DNER: variants seen among roughly 807,000 people sequenced by gnomAD.
DNER encodes delta/notch like EGF repeat containing, also known as delta and Notch-like epidermal growth factor-related receptor.
In DNER, 33 loss-of-function variants were observed where a neutral mutation model predicts 78.2. The observed-to-expected ratio is 0.42, with a 90% CI of 0.32 to 0.56. DNER has a LOEUF of 0.56. DNER is among the 20% of genes least tolerant of loss of function. DNER has a pLI of 0.11. For missense variants in DNER, 918 were observed against 975.3 expected (o/e 0.94, Z 0.78); for synonymous variants, 417 against 384.8 (o/e 1.08, Z -0.98).
chr2:229,370,198 C>G lies in DNER; in HGVS notation c.1856-3079G>C, dbSNP rs1692449802. On this transcript the variant is annotated intron_variant, in intron 11 of 12. Coordinates refer to ENST00000341772, the MANE Select transcript of DNER (RefSeq NM_139072.4). ...TCTGAAGAAGAGCACAGATAGACAC[C>G]CAAACAGGGGGCCAGGCCTGCAGAC... is the stretch of plus-strand genomic sequence containing the variant. Among the ~76,000 whole-genome samples, 3 of 152,112 alleles carry G rather than the reference C, an allele frequency of 2.0e-5. No individual in the cohort carries two copies. The East Asian group carries it at 5.8e-4, about 29-fold the overall frequency.
intron 8 of DNER, among the ~76,000 whole-genome samples, chr2:229,438,996 T>C (rs1694181923): frequency 6.6e-6 from 1 of 152,196 alleles, no homozygotes; most frequent in Non-Finnish European, 1.5e-5. Flanking sequence ...AAGTCCCAGC[T>C]TCATCCTTAA....
intron 5 of DNER, among the ~76,000 whole-genome samples, chr2:229,514,284 C>G (rs1574879244): frequency 6.6e-6 from 1 of 152,084 alleles, no homozygotes; most frequent in Non-Finnish European, 1.5e-5. Context: ...TAGTTGATTT[C>G]CAGGCTTTCT....
intron 4 of DNER, among the ~76,000 whole-genome samples, chr2:229,569,262 C>G (rs977953327): frequency 6.6e-6 from 1 of 152,208 alleles, no homozygotes; most frequent in Non-Finnish European, 1.5e-5. Flanking sequence ...GTTGCTCAAG[C>G]CTGTAATCCC....
intron 5 of DNER, among the ~76,000 whole-genome samples, chr2:229,514,816 AAACC>A (rs1455713848): frequency 6.6e-6 from 1 of 152,196 alleles, no homozygotes; most frequent in African/African-American, 2.4e-5. Context: ...GATCCCTCAC[AAACC>A]AACCAAGAGG....
chr2:229,425,815 C>T (rs1434368339), intron 8 of DNER, among the ~76,000 whole-genome samples: 6 of 152,220 alleles, frequency 3.9e-5, no homozygotes, highest in African/African-American at 1.4e-4. Context: ...TTTGTGCTTC[C>T]TGCTGCCTCA....
chr2:229,634,072 A>G (rs1178358687), intron 1 of DNER, among the ~76,000 whole-genome samples: 3 of 152,228 alleles, frequency 2.0e-5, no homozygotes, highest in Non-Finnish European at 4.4e-5. Flanking sequence ...GTCCTCTCCT[A>G]AGGGACAATG....
intron 1 of DNER, among the ~76,000 whole-genome samples, chr2:229,665,020 T>A (rs550067217): frequency 9.5e-4 from 145 of 152,374 alleles, no homozygotes; most frequent in Middle Eastern, 3.4e-3. Flanking sequence ...GTCAGGTCCT[T>A]TAATTTGCGG....
At chr2:229,549,729 G>A (rs554368932) in intron 4 of DNER, among the ~76,000 whole-genome samples, 2 of 152,112 alleles carry the variant, frequency 1.3e-5, no homozygotes, top group East Asian at 4.0e-4. Context: ...GGCCAATATG[G>A]TGAAACCCCC....
At chr2:229,655,404 T>TGA (rs1183655527) in intron 1 of DNER, among the ~76,000 whole-genome samples, 1 of 151,628 alleles carries the variant, frequency 6.6e-6, no homozygotes, top group Non-Finnish European at 1.5e-5. Context: ...GTGTTAGGGG[T>TGA]GAGAGAGGAT....
chr2:229,692,892 A>C, intron 1 of DNER, among the ~76,000 whole-genome samples: 1 of 151,868 alleles, frequency 6.6e-6, no homozygotes, highest in African/African-American at 2.4e-5. Context: ...TATAATACAT[A>C]TAATTTATAT....
At position 229,538,862 on chromosome 2, in the gene DNER, A is replaced by T. The variant is rs1696462516; in HGVS notation, c.993+8085T>A. On this transcript the variant is annotated intron_variant, in intron 5 of 12. Coordinates refer to ENST00000341772, the MANE Select transcript of DNER (RefSeq NM_139072.4). ...CCCAAGAAAAATAATTTCTTATAATAAATTAGCCTCTTTTATCTGTAATAA... is the reference window on the plus strand; with the variant it reads ...CCCAAGAAAAATAATTTCTTATAATTAATTAGCCTCTTTTATCTGTAATAA... Among the ~76,000 whole-genome samples, 4 of 152,292 alleles carry T rather than the reference A, an allele frequency of 2.6e-5. No homozygotes were observed. In the South Asian group the frequency reaches 8.3e-4, roughly 32 times the overall value.
chr2:229,393,202 C>T (rs958432944), intron 10 of DNER, among the ~76,000 whole-genome samples: 1 of 151,886 alleles, frequency 6.6e-6, no homozygotes, highest in African/African-American at 2.4e-5. Context: ...CTGAGGCGGG[C>T]TGATCACCTG....
At chr2:229,551,170 A>G (rs542974114) in intron 4 of DNER, among the ~76,000 whole-genome samples, 2 of 152,308 alleles carry the variant, frequency 1.3e-5, no homozygotes, top group Admixed American at 1.3e-4. Flanking sequence ...GTTTTCATAA[A>G]TGTAAGACTT....
chr2:229,669,048 G>T (rs1054161023), intron 1 of DNER, among the ~76,000 whole-genome samples: 2 of 152,036 alleles, frequency 1.3e-5, no homozygotes, highest in African/African-American at 2.4e-5. Flanking sequence ...TCATAAAAAA[G>T]GATGAGTTCA....
intron 8 of DNER, among the ~76,000 whole-genome samples, chr2:229,432,817 T>C (rs1694036950): frequency 2.0e-5 from 3 of 152,174 alleles, no homozygotes; most frequent in South Asian, 2.1e-4. Context: ...AGCTATAGAA[T>C]AGAAAAGTAT....
intron 4 of DNER, among the ~76,000 whole-genome samples, chr2:229,578,629 G>GC (rs1401969512): frequency 1.3e-5 from 2 of 152,016 alleles, no homozygotes; most frequent in Non-Finnish European, 2.9e-5. Flanking sequence ...ACTGCCAGCA[G>GC]CCCTCACCCC....
intron 12 of DNER, 38 bp downstream of exon 12, chr2:229,366,835 G>A: frequency 2.5e-6 from 4 of 1,612,008 alleles, no homozygotes; most frequent in Admixed American, 1.7e-5. Context: ...GAATGCACAT[G>A]TGAAGGCAGC....
intron 1 of DNER, among the ~76,000 whole-genome samples, chr2:229,668,528 GTGTGTGTGTATATATATATA>G (rs371326232): frequency 0.031 from 1,549 of 49,548 alleles, 60 homozygotes; most frequent in East Asian, 0.072. Context: ...GTGTGTGTGT[GTGTGTGTGTATATATATATA>G]TATATATATA....
At chr2:229,704,549 A>T (rs1373887318) in intron 1 of DNER, among the ~76,000 whole-genome samples, 1 of 152,270 alleles carries the variant, frequency 6.6e-6, no homozygotes, top group Non-Finnish European at 1.5e-5. Context: ...ACATGAAACG[A>T]CATGGATGTA....
Sources: gnomAD v4.1 joint callset for allele counts (sites outside exome capture counted in the v4.1 genomes callset) on GRCh38, gnomAD v4.1.1 for gene constraint, MANE v1.5 for transcripts, NCBI Gene and HGNC (gene_info 2026-07-23, HGNC 2026-07-21) for gene names.